Variants in CNTNAP2 observed in about 807,000 individuals in gnomAD.
CNTNAP2 encodes contactin associated protein 2.
Under a neutral mutation model 155.2 loss-of-function variants are expected in CNTNAP2, and 98 were observed. The observed-to-expected ratio is 0.63, with a 90% CI of 0.54 to 0.75. CNTNAP2 has a LOEUF of 0.75. Among genes scored for constraint, CNTNAP2 ranks in the 30% least tolerant of loss-of-function variants. CNTNAP2 has a pLI of 0.00. For synonymous variants in CNTNAP2, 651 were observed against 631.2 expected (o/e 1.03, Z -0.47); for missense variants, 1,727 against 1,688.1 (o/e 1.02, Z -0.40).
Position 148,172,386 on chromosome 7 carries a change from A to G in CNTNAP2, c.2918A>G (p.Asn973Ser). The change falls in exon 18 of 24, where the codon AAC (asparagine) becomes AGC (serine). Residue 973 changes from asparagine (N) to serine (S), a missense_variant. Physicochemically the swap from Asn to Ser is conservative, Grantham distance 46 (BLOSUM62 1). Transcript: ENST00000361727. Reference sequence around the variant, plus strand: ...GGCCATTGCACCAGCTATGGAACAAACTGTGAAAATGGAGGCAAATGCCTA... The same window carrying G: ...GGCCATTGCACCAGCTATGGAACAAGCTGTGAAAATGGAGGCAAATGCCTA... Reference protein sequence around the residue: ...CSGHCTSYGTNCENGGKCLER... With the variant: ...CSGHCTSYGTSCENGGKCLER... The G allele has an allele frequency of 6.2e-7, 1 of 1,614,136 alleles. No individual in the cohort carries two copies. Among genetic ancestry groups the G allele is most frequent in the Non-Finnish European group, 8.5e-7 (1 of 1,180,026 alleles).
chr7:146,790,180 A>T (rs1313498501), intron 2 of CNTNAP2, among the ~76,000 whole-genome samples: 1 of 152,174 alleles, frequency 6.6e-6, no homozygotes, highest in African/African-American at 2.4e-5. Flanking sequence ...CATTTGACCA[A>T]ATCTTTCAAA....
rs139902412 is a variant in CNTNAP2, at chr7:146,999,512, G to C, written c.403-44395G>C. The stretch of plus-strand genomic sequence containing the variant: ...GAGTTTTGTACTTTCAGTGATTTTT[G>C]TTTTACTCACTGGTGTCCTTTCCTT... On this transcript the variant is annotated intron_variant, in intron 3 of 23. Transcript: ENST00000361727. 2.7e-3 allele frequency among the ~76,000 whole-genome samples: 405 copies of C among 151,904 alleles called. 3 individuals are homozygous for C. Among genetic ancestry groups the C allele is most frequent in the African/African-American group, 9.3e-3 (385 of 41,478 alleles).
At position 148,277,065 on chromosome 7, in the gene CNTNAP2, G is replaced by A. The variant is rs1043132164; in HGVS notation, c.3475+9939G>A. Among the ~76,000 whole-genome samples the A allele has an allele frequency of 1.6e-4, 25 of 152,048 alleles. 1 individual carries two copies. Among genetic ancestry groups the A allele is most frequent in the East Asian group, 7.7e-4 (4 of 5,180 alleles). ...TTCAGTTTCTCGAAGAGCCTTTCCC[G>A]TCCTCTGCTTCTTTCTATAAGGTGG... On this transcript the variant is annotated intron_variant, in intron 21 of 23. Transcript: ENST00000361727.
chr7:146,878,421 T>C (rs1343576204), intron 3 of CNTNAP2, among the ~76,000 whole-genome samples: 1 of 151,960 alleles, frequency 6.6e-6, no homozygotes, highest in Non-Finnish European at 1.5e-5. Context: ...GACTCTACAT[T>C]TTCCCTTTCC....
At chr7:147,916,568 A>G (rs1800164931) in intron 14 of CNTNAP2, among the ~76,000 whole-genome samples, 1 of 143,082 alleles carries the variant, frequency 7.0e-6, no homozygotes, top group Non-Finnish European at 1.5e-5. Context: ...AGCAGAACTA[A>G]GATTCAAAAG....
At chr7:146,561,917 A>G (rs10241619) in intron 1 of CNTNAP2, among the ~76,000 whole-genome samples, 117,407 of 151,882 alleles carry the variant, frequency 0.77, 45,858 homozygotes, top group South Asian at 0.89. Context: ...CAGCCTCCTG[A>G]GTAGCTGGAA....
At chr7:147,829,855 AG>A (rs904374724) in intron 13 of CNTNAP2, among the ~76,000 whole-genome samples, 3 of 151,984 alleles carry the variant, frequency 2.0e-5, no homozygotes, top group Non-Finnish European at 2.9e-5. Flanking sequence ...CAGAGCAGCG[AG>A]GGGGGCCACA....
chr7:146,175,042 A>G (rs1447375035), intron 1 of CNTNAP2, among the ~76,000 whole-genome samples: 2 of 152,102 alleles, frequency 1.3e-5, no homozygotes, highest in Non-Finnish European at 2.9e-5. Flanking sequence ...TTCATTCCTT[A>G]TTCATTCAAT....
chr7:147,505,524 C>T lies in CNTNAP2; in HGVS notation c.1777+19483C>T, dbSNP rs1217058460. Among the ~76,000 whole-genome samples, 79 of 152,102 alleles carry T rather than the reference C, an allele frequency of 5.2e-4. 3 individuals are homozygous for T. The highest frequency in any genetic ancestry group is 5.2e-3 in the Admixed American group (79 of 15,274). On this transcript the variant is annotated intron_variant, in intron 11 of 23. Coordinates refer to ENST00000361727, the MANE Select transcript of CNTNAP2 (RefSeq NM_014141.6). Reference sequence around the variant, plus strand: ...GCCAATTATTCCATAAAATTCGTGGCTATTTCCAGCAATTATCAGCACTTA... The same window carrying T: ...GCCAATTATTCCATAAAATTCGTGGTTATTTCCAGCAATTATCAGCACTTA...
chr7:147,305,596 T>C (rs1795013020), intron 9 of CNTNAP2, among the ~76,000 whole-genome samples: 1 of 152,226 alleles, frequency 6.6e-6, no homozygotes, highest in Non-Finnish European at 1.5e-5. Flanking sequence ...CTAGCTCTTT[T>C]TCATTGTTCT....
At chr7:148,324,251 C>G (rs1401690644) in intron 21 of CNTNAP2, among the ~76,000 whole-genome samples, 1 of 152,052 alleles carries the variant, frequency 6.6e-6, no homozygotes, top group African/African-American at 2.4e-5. Context: ...AGGCAAGAAC[C>G]CACAAAGTGG....
At chr7:146,544,160 T>C (rs1168876933) in intron 1 of CNTNAP2, among the ~76,000 whole-genome samples, 1 of 151,946 alleles carries the variant, frequency 6.6e-6, no homozygotes, top group East Asian at 1.9e-4. Context: ...CATAAGAATG[T>C]CTAATAACAC....
At chr7:146,764,120 T>A (rs1367040893) in intron 1 of CNTNAP2, among the ~76,000 whole-genome samples, 1 of 152,174 alleles carries the variant, frequency 6.6e-6, no homozygotes, top group Non-Finnish European at 1.5e-5. Context: ...AGTGGACCAA[T>A]AAATTACAAT....
intron 1 of CNTNAP2, among the ~76,000 whole-genome samples, chr7:146,398,978 C>T (rs186711046): frequency 6.6e-6 from 1 of 151,980 alleles, no homozygotes; most frequent in African/African-American, 2.4e-5. Flanking sequence ...TTTCTCTTTC[C>T]TCTGTTAAAT....
At chr7:147,121,377 A>G (rs1259055330) in intron 6 of CNTNAP2, 1 of 503,342 alleles carries the variant, frequency 2.0e-6, no homozygotes, top group East Asian at 3.8e-5. Flanking sequence ...AAATCTTAGT[A>G]CCAATGTAAT....
chr7:147,972,622 C>T (rs925543369), intron 14 of CNTNAP2, among the ~76,000 whole-genome samples: 3 of 152,108 alleles, frequency 2.0e-5, no homozygotes, highest in African/African-American at 7.2e-5. Flanking sequence ...ACTTGAGTAA[C>T]AATGCTGATG....
At chr7:147,854,212 G>C (rs1195482701) in intron 13 of CNTNAP2, among the ~76,000 whole-genome samples, 1 of 152,132 alleles carries the variant, frequency 6.6e-6, no homozygotes, top group East Asian at 1.9e-4. Context: ...GAGAAGAGTT[G>C]CCGTTATTTC....
intron 1 of CNTNAP2, among the ~76,000 whole-genome samples, chr7:146,615,075 G>T (rs534399592): frequency 6.6e-6 from 1 of 152,266 alleles, no homozygotes; most frequent in South Asian, 2.1e-4. Context: ...AGAGCTGATG[G>T]AAATGACCAA....
chr7:146,749,448 T>C (rs1474809090), intron 1 of CNTNAP2, among the ~76,000 whole-genome samples: 1 of 152,206 alleles, frequency 6.6e-6, no homozygotes, highest in Non-Finnish European at 1.5e-5. Flanking sequence ...GATTATCTTA[T>C]GATAATTTAA....
Sources: gnomAD v4.1 joint callset for allele counts (sites outside exome capture counted in the v4.1 genomes callset) on GRCh38, gnomAD v4.1.1 for gene constraint, MANE v1.5 for transcripts, NCBI Gene and HGNC (gene_info 2026-07-23, HGNC 2026-07-21) for gene names.